Variants in ASPSCR1 observed in about 807,000 individuals in gnomAD.
The protein encoded by ASPSCR1 is tether containing UBX domain for GLUT4.
ASPSCR1 carries 55 observed loss-of-function variants against 68.9 expected under a neutral mutation model. The ratio of observed to expected loss-of-function variants is 0.80; its 90% CI spans 0.64 to 1.00. The LOEUF is 1.00. Among genes scored for constraint, ASPSCR1 ranks in the 50% least tolerant of loss-of-function variants. ASPSCR1 has a pLI of 0.00. For missense variants in ASPSCR1, 765 were observed against 762.2 expected (o/e 1.00, Z -0.04); for synonymous variants, 352 against 332.6 (o/e 1.06, Z -0.63).
At chr17:81,982,834 A>G (rs1416160656) in intron 2 of ASPSCR1, among the ~76,000 whole-genome samples, 2 of 118,256 alleles carry the variant, frequency 1.7e-5, no homozygotes, top group East Asian at 2.3e-4. Context: ...TTTTTCTTTC[A>G]CAGAGTTTTG....
chr17:82,011,610 G>A lies in ASPSCR1; in HGVS notation c.1300+5G>A, dbSNP rs750787852. ...CCGAGCTGTCATTTTACCTGTGTAC[G>A]TTTTTTCTCCTGAGCCCACTCCTGC... On this transcript the variant is annotated splice_donor_5th_base_variant and intron_variant, in intron 11 of 15. Coordinates refer to ENST00000306739, the MANE Select transcript of ASPSCR1 (RefSeq NM_024083.4). 7.5e-6 allele frequency: 12 copies of A among 1,602,120 alleles called. No individual in the cohort carries two copies. The highest frequency in any genetic ancestry group is 1.1e-5 in the South Asian group (1 of 89,596).
At chr17:82,010,011 GT>G in intron 9 of ASPSCR1, 1 of 324,644 alleles carries the variant, frequency 3.1e-6, no homozygotes, top group South Asian at 2.1e-5. Context: ...CCGGGTTCAA[GT>G]GGTTCTCCTG....
rs2277707 is a variant in ASPSCR1 at position 81,978,925 on chromosome 17, T to G, written c.103-259T>G. On this transcript the variant is annotated intron_variant, in intron 1 of 15. Coordinates refer to ENST00000306739, the MANE Select transcript of ASPSCR1 (RefSeq NM_024083.4). ...TGTGCCAGGAAGATGCCCGTGTTGC[T>G]GTACTGCAGGGGAACTCTGAGTGGA... The G allele has an allele frequency of 1.6e-3, 926 of 562,338 alleles. 11 individuals are homozygous for G. In the East Asian group the frequency reaches 0.027, roughly 16 times the overall value. 34.8% of individuals were successfully genotyped at this position (562,338 alleles called of 1,614,324 possible).
At chr17:82,017,135 TGGGGTGCTGTGGCCGGGTGGAGGGC>T (rs1479752949) in intron 15 of ASPSCR1, 22 bp downstream of exon 15, 7 of 1,569,902 alleles carry the variant, frequency 4.5e-6, no homozygotes, top group Non-Finnish European at 5.2e-6. Context: ...GGGTGGAAGG[TGGGGTGCTGTGGCCGGGTGGAGGGC>T]GGGGGTCCGG....
intron 4 of ASPSCR1, among the ~76,000 whole-genome samples, chr17:81,991,256 C>G (rs1677708132): frequency 6.6e-6 from 1 of 152,232 alleles, no homozygotes; most frequent in Non-Finnish European, 1.5e-5. Context: ...GAGTGGCCCC[C>G]AGTGTGCCCG....
At chr17:82,000,055 A>G (rs1446418942) in intron 7 of ASPSCR1, among the ~76,000 whole-genome samples, 1 of 152,200 alleles carries the variant, frequency 6.6e-6, no homozygotes, top group Non-Finnish European at 1.5e-5. Context: ...GTGACACCTG[A>G]GTCCCCATGA....
Position 81,996,823 on chromosome 17 carries a change from CAGCAGG to C in ASPSCR1, c.920_925del (p.Gln307_Glu308del), listed in dbSNP as rs760681904. On this transcript the variant is annotated inframe_deletion, in exon 7 of 16. Coordinates refer to ENST00000306739, the MANE Select transcript of ASPSCR1 (RefSeq NM_024083.4). The stretch of plus-strand genomic sequence containing the variant: ...GGAGCAGGAGCGGGAGCGGGATCCC[CAGCAGG>C]AGCAGGAGCGGGAGCGGGTAAAAGG... 9.0e-5 allele frequency: 144 copies of C among 1,603,908 alleles called. No individual in the cohort carries two copies. Among genetic ancestry groups the C allele is most frequent in the East Asian group, 3.1e-4 (14 of 44,806 alleles).
intron 7 of ASPSCR1, among the ~76,000 whole-genome samples, chr17:82,001,712 C>T (rs2042537052): frequency 1.3e-5 from 2 of 152,334 alleles, no homozygotes; most frequent in African/African-American, 4.8e-5. Flanking sequence ...GACTCTCCTC[C>T]CCGTTGGGCC....
Position 81,999,237 on chromosome 17 carries a change from A to C in ASPSCR1, c.933+2391A>C, listed in dbSNP as rs61457271. Among the ~76,000 whole-genome samples, 112 of 152,350 alleles carry C rather than the reference A, an allele frequency of 7.4e-4. No individual in the cohort carries two copies. Among genetic ancestry groups the C allele is most frequent in the African/African-American group, 2.6e-3 (110 of 41,582 alleles). On this transcript the variant is annotated intron_variant, in intron 7 of 15. Transcript: ENST00000306739. The surrounding 1 kb of genome is among the most constrained non-coding windows in gnomAD (Gnocchi z 4.4). The stretch of plus-strand genomic sequence containing the variant: ...AGGGCCAGGCTGCCAGCTGCCAGCC[A>C]CAGCCCAGGGGCCAGGTCAGAGCTT...
chr17:82,011,700 T>C (rs2042953707), intron 11 of ASPSCR1, 95 bp downstream of exon 11: 1 of 1,394,198 alleles, frequency 7.2e-7, no homozygotes, highest in Non-Finnish European at 9.9e-7. Context: ...TCGTGGCAGC[T>C]TCTCCACAGG....
At chr17:82,009,599 C>A in intron 9 of ASPSCR1, 32 bp downstream of exon 9, 1 of 1,551,918 alleles carries the variant, frequency 6.4e-7, no homozygotes, top group Non-Finnish European at 8.7e-7. Flanking sequence ...GCGACTGAGG[C>A]ACAGCTCTGA....
Position 81,983,800 on chromosome 17 carries a change from TG to T in ASPSCR1, c.273+135del. 1.4e-6 allele frequency: 1 copy of T among 717,038 alleles called. No individual in the cohort carries two copies. Among genetic ancestry groups the T allele is most frequent in the Non-Finnish European group, 2.3e-6 (1 of 433,258 alleles). The allele number at this position is 717,038 out of a possible 1,614,324, so 44.4% of individuals were successfully genotyped here. On this transcript the variant is annotated intron_variant, in intron 3 of 15. Transcript: ENST00000306739. The surrounding 1 kb of genome is among the most constrained non-coding windows in gnomAD (Gnocchi z 4.4). ...GTCTTAGCACCAGTTCTGCCTTCCC[TG>T]GGTTGGGCCCAAACAGCTTCCTGTT...
intron 7 of ASPSCR1, among the ~76,000 whole-genome samples, chr17:81,997,828 CTTT>C (rs372497074): frequency 1.6e-5 from 2 of 126,982 alleles, no homozygotes; most frequent in Non-Finnish European, 3.4e-5. Flanking sequence ...GAGGCACCCA[CTTT>C]TTTTTTTTTT....
At chr17:81,982,270 A>G (rs928155078) in intron 2 of ASPSCR1, among the ~76,000 whole-genome samples, 6 of 152,226 alleles carry the variant, frequency 3.9e-5, no homozygotes, top group African/African-American at 1.2e-4. Flanking sequence ...CGCCCAGCGC[A>G]TTGTTACTTC....
chr17:81,979,703 T>C (rs1391986311), intron 2 of ASPSCR1, among the ~76,000 whole-genome samples: 1 of 152,150 alleles, frequency 6.6e-6, no homozygotes, highest in Non-Finnish European at 1.5e-5. Context: ...TTTTATTGCA[T>C]TGAGTTGCAT....
At chr17:81,995,035 C>A in intron 5 of ASPSCR1, 157 bp downstream of exon 5, 1 of 804,040 alleles carries the variant, frequency 1.2e-6, no homozygotes, top group Non-Finnish European at 1.9e-6. Flanking sequence ...GAGTGGCCGG[C>A]CCTCGGAGCC....
intron 12 of ASPSCR1, chr17:82,015,923 C>G (rs868053084): frequency 2.0e-4 from 33 of 167,166 alleles, no homozygotes; most frequent in Middle Eastern, 6.3e-3. Context: ...TTGTTTGTGT[C>G]CCTGGGCCCC....
intron 7 of ASPSCR1, among the ~76,000 whole-genome samples, chr17:81,997,110 C>T (rs1165990978): frequency 1.3e-5 from 2 of 151,748 alleles, no homozygotes; most frequent in South Asian, 2.1e-4. Flanking sequence ...GTGTCCGCTC[C>T]GGGATGAGGC....
At chr17:82,010,356 C>T (rs574106252) in intron 9 of ASPSCR1, among the ~76,000 whole-genome samples, 61 of 151,476 alleles carry the variant, frequency 4.0e-4, no homozygotes, top group South Asian at 3.3e-3. Context: ...GGTGAAACCC[C>T]ATCTCTACTA....
Sources: gnomAD v4.1 joint callset for allele counts (sites outside exome capture counted in the v4.1 genomes callset) on GRCh38, gnomAD v4.1.1 for gene constraint, Gnocchi (gnomAD v3.1) non-coding constraint, MANE v1.5 for transcripts, NCBI Gene and HGNC (gene_info 2026-07-23, HGNC 2026-07-21) for gene names.